The following PUS1 variants were observed in gnomAD, a reference collection of about 807,000 sequenced individuals.
PUS1 encodes pseudouridine synthase 1.
Under a neutral mutation model 38.5 loss-of-function variants are expected in PUS1, and 25 were observed. That is an observed-to-expected ratio of 0.65 (90% confidence interval 0.47 to 0.91). The LOEUF (loss-of-function observed/expected upper bound fraction) is 0.91, where lower values mean the gene tolerates loss of function less well. Ranked by LOEUF, PUS1 falls within the 40% of genes least tolerant of loss-of-function variation. The probability of loss-of-function intolerance (pLI) is 0.00; values close to 1 mark genes in which losing one functional copy is unlikely to be tolerated. For synonymous variants in PUS1, 282 were observed against 260.4 expected, an observed-to-expected ratio of 1.08 and a Z score of -0.80; for missense variants, 597 against 612.3, an observed-to-expected ratio of 0.97 and a Z score of 0.26.
intron 4 of PUS1, among the ~76,000 whole-genome samples, chr12:131,939,485 C>G (rs1389058582): frequency 6.6e-6 from 1 of 152,186 alleles, no homozygotes; most frequent in Admixed American, 6.5e-5. Context: ...ACACGGGCGC[C>G]TTGTTTTAAG....
chr12:131,944,046 A>C lies in PUS1; in HGVS notation c.*460A>C, dbSNP rs1891199170. The C allele has an allele frequency of 1.9e-5, 4 of 213,750 alleles. No homozygotes were observed. Among genetic ancestry groups the C allele is most frequent in the Admixed American group, 1.6e-4 (3 of 19,258 alleles). The allele number at this position is 213,750 out of a possible 1,614,324, so 13.2% of individuals were successfully genotyped here. A position where few individuals can be genotyped will look rare whatever the true frequency, so the allele number is the denominator to read the frequency against. ...CAGATCGCTTGAGTACAGGAGTTCC[A>C]GACCAGCCTGGGTAAAATGGTGAAA... is the stretch of plus-strand genomic sequence containing the variant. On this transcript the variant is annotated 3_prime_UTR_variant, in exon 6 of 6. Coordinates refer to ENST00000376649, the MANE Select transcript of PUS1 (RefSeq NM_025215.6).
In PUS1 at chr12:131,929,601, C is replaced by G; in HGVS notation, c.-122C>G. The G allele has an allele frequency of 1.2e-6, 1 of 844,062 alleles. No individual in the cohort carries two copies. The highest frequency in any genetic ancestry group is 1.8e-5 in the African/African-American group (1 of 54,736). The allele number at this position is 844,062 out of a possible 1,614,324, so 52.3% of individuals were successfully genotyped here. ...CGCCGGTTTCCCGGAGGTCAGGGGT[C>G]AGAAGGAACAGGGCTGCAGCGTCAG... On this transcript the variant is annotated 5_prime_UTR_variant, in exon 1 of 6. Transcript: ENST00000376649.
rs1890612880 is a variant in PUS1, at chr12:131,931,798, T to C, written c.304-377T>C. On this transcript the variant is annotated intron_variant, in intron 2 of 5. Coordinates refer to ENST00000376649, the MANE Select transcript of PUS1 (RefSeq NM_025215.6). The stretch of plus-strand genomic sequence containing the variant: ...CACCCTCCTCGGCCTCCCAAAGTGC[T>C]GGGATTACAGGTGTGAGCCACTGCA... 9 of 360,816 alleles carry C rather than the reference T, an allele frequency of 2.5e-5. No individual in the cohort carries two copies. The South Asian group carries it at 2.8e-4, about 11-fold the overall frequency. 22.4% of individuals were successfully genotyped at this position (360,816 alleles called of 1,614,324 possible).
At position 131,941,596 on chromosome 12, in the gene PUS1, G is replaced by C; in HGVS notation, c.849G>C (p.Arg283Ser). ...AGGGCCTGGAGTTTGCGGTGATCAG[G>C]GTGAAGGGCCAGAGCTTCATGATGC... Reference protein sequence around the residue: ...VREGLEFAVIRVKGQSFMMHQ... With the variant: ...VREGLEFAVISVKGQSFMMHQ... Residue 283 changes from arginine to serine, a missense_variant, in exon 5 of 6, where the codon AGG (arginine) becomes AGC (serine). Coordinates refer to ENST00000376649, the MANE Select transcript of PUS1 (RefSeq NM_025215.6). The surrounding 1 kb of genome is among the most constrained non-coding windows in gnomAD (Gnocchi z 4.4). The C allele has an allele frequency of 6.2e-7, 1 of 1,614,204 alleles. No homozygotes were observed. The highest frequency in any genetic ancestry group is 2.2e-5 in the East Asian group (1 of 44,886).
intron 4 of PUS1, among the ~76,000 whole-genome samples, chr12:131,940,638 C>T (rs541360970): frequency 1.3e-4 from 20 of 152,152 alleles, no homozygotes; most frequent in African/African-American, 1.9e-4. Context: ...AGTGCAGTGG[C>T]GTGATCTCGG....
chr12:131,942,102 C>T, intron 5 of PUS1, 119 bp downstream of exon 5: 1 of 963,854 alleles, frequency 1.0e-6, no homozygotes, highest in Non-Finnish European at 1.6e-6. Flanking sequence ...CACACAGCTG[C>T]TGCAGGAGCA....
At position 131,929,608 on chromosome 12, in the gene PUS1, AACAGGGCTGCAGCGTC is replaced by A. The variant is rs1566138590; in HGVS notation, c.-113_-98del. Reference sequence around the variant, plus strand: ...TTCCCGGAGGTCAGGGGTCAGAAGGAACAGGGCTGCAGCGTCAGGGTCCGAGAGGTTAGGGGTCGGC... The same window carrying A: ...TTCCCGGAGGTCAGGGGTCAGAAGGAAGGGTCCGAGAGGTTAGGGGTCGGC... On this transcript the variant is annotated 5_prime_UTR_variant, in exon 1 of 6. Coordinates refer to ENST00000376649, the MANE Select transcript of PUS1 (RefSeq NM_025215.6). 3 of 913,594 alleles carry A rather than the reference AACAGGGCTGCAGCGTC, an allele frequency of 3.3e-6. No individual in the cohort carries two copies. The highest frequency in any genetic ancestry group is 4.7e-6 in the Non-Finnish European group (3 of 636,778). The allele number at this position is 913,594 out of a possible 1,614,324, so 56.6% of individuals were successfully genotyped here. A position where few individuals can be genotyped will look rare whatever the true frequency, so the allele number is the denominator to read the frequency against.
intron 3 of PUS1, among the ~76,000 whole-genome samples, chr12:131,936,886 C>A (rs960957844): frequency 4.0e-5 from 6 of 151,018 alleles, no homozygotes; most frequent in Admixed American, 4.0e-4. Context: ...AAAAAGTATA[C>A]AGTTTAGTGA....
chr12:131,941,945 A>C lies in PUS1; in HGVS notation c.1198A>C (p.Ser400Arg). The change falls in exon 5 of 6, where the codon AGT becomes CGT. Residue 400 changes from serine to arginine, a missense_variant. Coordinates refer to ENST00000376649, the MANE Select transcript of PUS1 (RefSeq NM_025215.6). This position sits in a 1 kb window ranked among gnomAD's most constrained non-coding sequence, Gnocchi z 4.4. ...WLSTLPIHNF[S>R]ATALTAGGTG... ...GAGCACCTTGCCCATCCACAACTTCAGTGCCACCGCTCTCACGGCAGGTGG... is the reference window on the plus strand; with the variant it reads ...GAGCACCTTGCCCATCCACAACTTCCGTGCCACCGCTCTCACGGCAGGTGG... 6.2e-7 allele frequency: 1 copy of C among 1,613,160 alleles called. No homozygotes were observed. Among genetic ancestry groups the C allele is most frequent in the South Asian group, 1.1e-5 (1 of 91,066 alleles).
At chr12:131,929,832 C>T (rs765074986) in intron 1 of PUS1, 36 bp downstream of exon 1, 16 of 1,506,524 alleles carry the variant, frequency 1.1e-5, no homozygotes, top group South Asian at 3.6e-5. Context: ...CCGCTATGCC[C>T]GCCCAGCCCA....
intron 3 of PUS1, among the ~76,000 whole-genome samples, chr12:131,937,438 G>A (rs1335696358): frequency 6.6e-6 from 1 of 152,118 alleles, no homozygotes; most frequent in Non-Finnish European, 1.5e-5. Context: ...GCAATTGCAC[G>A]ATCTCAACTC....
rs758630456 is a variant in PUS1 at position 131,939,247 on chromosome 12, C to G, written c.516C>G (p.Ser172Arg). The G allele has an allele frequency of 6.4e-7, 1 of 1,558,830 alleles. No individual in the cohort carries two copies. Reference protein sequence around the residue: ...LIDDILEKINSHLPSHIRILG... With the variant: ...LIDDILEKINRHLPSHIRILG... Reference sequence around the variant, plus strand: ...ACGACATTCTAGAAAAGATCAACAGCCACCTTCCCTCTCACATTCGGATTC... The same window carrying G: ...ACGACATTCTAGAAAAGATCAACAGGCACCTTCCCTCTCACATTCGGATTC... Residue 172 changes from serine to arginine, a missense_variant, in exon 4 of 6, where the codon AGC becomes AGG. Ser to Arg is a moderately radical substitution (Grantham distance 110, BLOSUM62 -1). Coordinates refer to ENST00000376649, the MANE Select transcript of PUS1 (RefSeq NM_025215.6).
At chr12:131,938,619 C>T (rs1890931552) in intron 3 of PUS1, among the ~76,000 whole-genome samples, 2 of 152,150 alleles carry the variant, frequency 1.3e-5, no homozygotes, top group African/African-American at 4.8e-5. Flanking sequence ...AGGGCCACTG[C>T]AGTTCTGACT....
Position 131,930,077 on chromosome 12 carries a change from C to G in PUS1, c.245C>G (p.Pro82Arg). 1 of 1,437,128 alleles carries G rather than the reference C, an allele frequency of 7.0e-7. No individual in the cohort carries two copies. Among genetic ancestry groups the G allele is most frequent in the Non-Finnish European group, 9.1e-7 (1 of 1,095,790 alleles). 89.0% of individuals were successfully genotyped at this position (1,437,128 alleles called of 1,614,324 possible). ...GACGAGGAGCGGCGCGAGAAGCCGC[C>G]CAAGCGGAAGATCGTGCTGCTCATG... is the stretch of plus-strand genomic sequence containing the variant. ...GGDEERREKP[P>R]KRKIVLLMAY... is the part of the protein sequence containing the mutation. Residue 82 changes from proline (P) to arginine (R), a missense_variant, in exon 2 of 6, where the codon CCC becomes CGC. Pro to Arg is a moderately radical substitution (Grantham distance 103). Coordinates refer to ENST00000376649, the MANE Select transcript of PUS1 (RefSeq NM_025215.6).
At chr12:131,931,846 G>A in intron 2 of PUS1, 3 of 562,632 alleles carry the variant, frequency 5.3e-6, no homozygotes, top group Admixed American at 3.1e-5. Context: ...TTACTTTATA[G>A]TCAATGTTTT....
Position 131,944,666 on chromosome 12 carries a change from G to A in PUS1, c.*1080G>A, listed in dbSNP as rs117745022. ...CTCCTCTTCCTAGACAGCCCCATGC[G>A]TGCAGCCTTTGCCCTGGTTGCAGGT... On this transcript the variant is annotated 3_prime_UTR_variant, in exon 6 of 6. Coordinates refer to ENST00000376649, the MANE Select transcript of PUS1 (RefSeq NM_025215.6). 1,079 of 152,780 alleles carry A rather than the reference G, an allele frequency of 7.1e-3. 34 individuals carry two copies. The South Asian group carries it at 0.092, about 13-fold the overall frequency. 9.5% of individuals were successfully genotyped at this position (152,780 alleles called of 1,614,324 possible). A position where few individuals can be genotyped will look rare whatever the true frequency, so the allele number is the denominator to read the frequency against.
Position 131,941,016 on chromosome 12 carries a change from A to G in PUS1, c.545-276A>G, listed in dbSNP as rs2136442832. 2 of 511,532 alleles carry G rather than the reference A, an allele frequency of 3.9e-6. No individual in the cohort carries two copies. The highest frequency in any genetic ancestry group is 3.3e-5 in the East Asian group (1 of 30,224). The allele number at this position is 511,532 out of a possible 1,614,324, so 31.7% of individuals were successfully genotyped here. ...AGCATGTATCATTTCTTTGTGTTGG[A>G]GACATTCCGTATCTTCTCACTATTG... On this transcript the variant is annotated intron_variant, in intron 4 of 5. Transcript: ENST00000376649. The surrounding 1 kb of genome is among the most constrained non-coding windows in gnomAD (Gnocchi z 4.4).
Position 131,929,582 on chromosome 12 carries a change from T to G in PUS1, c.-141T>G. 4 of 684,284 alleles carry G rather than the reference T, an allele frequency of 5.8e-6. No individual in the cohort carries two copies. Among genetic ancestry groups the G allele is most frequent in the South Asian group, 4.7e-5 (2 of 42,180 alleles). 42.4% of individuals were successfully genotyped at this position (684,284 alleles called of 1,614,324 possible). On this transcript the variant is annotated 5_prime_UTR_variant, in exon 1 of 6. Transcript: ENST00000376649. ...AGCTGGAGAGGGGCTGGGGCGCCGGTTTCCCGGAGGTCAGGGGTCAGAAGG... is the reference window on the plus strand; with the variant it reads ...AGCTGGAGAGGGGCTGGGGCGCCGGGTTCCCGGAGGTCAGGGGTCAGAAGG...
chr12:131,940,177 C>T (rs902172849), intron 4 of PUS1, among the ~76,000 whole-genome samples: 37 of 151,944 alleles, frequency 2.4e-4, no homozygotes, highest in African/African-American at 8.0e-4. Context: ...TACAGGCACA[C>T]GCCACCACAG....
Sources: gnomAD v4.1 joint callset for allele counts (sites outside exome capture counted in the v4.1 genomes callset) on GRCh38, gnomAD v4.1.1 for gene constraint, Gnocchi (gnomAD v3.1) non-coding constraint, MANE v1.5 for transcripts, NCBI Gene and HGNC (gene_info 2026-07-23, HGNC 2026-07-21) for gene names.